FRMD6: variants seen among roughly 807,000 people sequenced by gnomAD.
FRMD6 encodes the protein FERM domain containing 6, also known as FERM domain-containing protein 6.
Under a neutral mutation model 73.2 loss-of-function variants are expected in FRMD6, and 37 were observed. The ratio of observed to expected loss-of-function variants is 0.51; its 90% CI spans 0.39 to 0.66. FRMD6 has a LOEUF of 0.66. Ranked by LOEUF, FRMD6 falls within the 30% of genes least tolerant of loss-of-function variation. FRMD6 has a pLI of 0.00. For synonymous variants in FRMD6, 273 were observed against 282.2 expected, an observed-to-expected ratio of 0.97 and a Z score of 0.33; for missense variants, 714 against 780.5, an observed-to-expected ratio of 0.91 and a Z score of 1.02.
intron 7 of FRMD6, among the ~76,000 whole-genome samples, chr14:51,710,083 CT>C (rs1280087979): frequency 6.6e-6 from 1 of 152,082 alleles, no homozygotes; most frequent in Non-Finnish European, 1.5e-5. Flanking sequence ...AAATAAGAAT[CT>C]TTTGTTGAAG....
intron 1 of FRMD6, among the ~76,000 whole-genome samples, chr14:51,673,111 G>T (rs1894137324): frequency 6.6e-6 from 1 of 152,072 alleles, no homozygotes; most frequent in Admixed American, 6.6e-5. Context: ...GGCCTACTGA[G>T]GTGATATCCT....
the FRMD6 span, among the ~76,000 whole-genome samples, chr14:51,428,248 A>G: frequency 6.6e-6 from 1 of 152,162 alleles, no homozygotes; most frequent in Non-Finnish European, 1.5e-5. Flanking sequence ...GGGAGCCAAT[A>G]CAAACTATCA....
chr14:51,549,868 T>C (rs1383897580), intron 1 of FRMD6, among the ~76,000 whole-genome samples: 1 of 152,228 alleles, frequency 6.6e-6, no homozygotes, highest in Non-Finnish European at 1.5e-5. Context: ...GTGCTGGGAT[T>C]ACAGGCGTGG....
At chr14:51,548,921 T>G (rs1886626619) in intron 1 of FRMD6, among the ~76,000 whole-genome samples, 1 of 152,192 alleles carries the variant, frequency 6.6e-6, no homozygotes, top group African/African-American at 2.4e-5. Flanking sequence ...AATCTGCATT[T>G]TAACCTGGAC....
chr14:51,686,020 G>A (rs1028027058), intron 1 of FRMD6, among the ~76,000 whole-genome samples: 10 of 152,038 alleles, frequency 6.6e-5, no homozygotes, highest in African/African-American at 1.9e-4. Flanking sequence ...GTCATGCTTC[G>A]CTTACAGTAA....
intron 5 of FRMD6, among the ~76,000 whole-genome samples, chr14:51,703,901 C>T (rs1044871467): frequency 6.6e-6 from 1 of 152,060 alleles, no homozygotes; most frequent in African/African-American, 2.4e-5. Context: ...AATATGTACA[C>T]ACACATTTTT....
At chr14:51,713,592 G>A (rs1207215125) in intron 9 of FRMD6, 1 of 152,096 alleles carries the variant, frequency 6.6e-6, no homozygotes, top group Admixed American at 6.6e-5. Context: ...TAAATAAAGG[G>A]CCATTTCTCC....
chr14:51,407,279 C>T, the FRMD6 span, among the ~76,000 whole-genome samples: 1 of 151,716 alleles, frequency 6.6e-6, no homozygotes, highest in Admixed American at 6.6e-5. Context: ...ATGTAATATT[C>T]TTTTTTCATA....
At chr14:51,440,686 AAG>A in the FRMD6 span, among the ~76,000 whole-genome samples, 7 of 151,532 alleles carry the variant, frequency 4.6e-5, no homozygotes, top group Non-Finnish European at 7.4e-5. Context: ...TACTTGCTTA[AAG>A]AGAGAGAGAG....
intron 2 of FRMD6, among the ~76,000 whole-genome samples, chr14:51,609,736 G>A (rs940690351): frequency 2.6e-5 from 4 of 152,162 alleles, no homozygotes; most frequent in Non-Finnish European, 4.4e-5. Context: ...GCTCAAGAGC[G>A]GTTGGTTAGT....
chr14:51,604,810 T>C (rs1449256931), intron 2 of FRMD6, among the ~76,000 whole-genome samples: 1 of 152,142 alleles, frequency 6.6e-6, no homozygotes. Context: ...TTCCAGGCCC[T>C]CTCCACGCCT....
the FRMD6 span, among the ~76,000 whole-genome samples, chr14:51,479,203 C>A: frequency 6.6e-6 from 1 of 152,090 alleles, no homozygotes; most frequent in African/African-American, 2.4e-5. Context: ...TCACATAGGG[C>A]CACTTTTAGA....
chr14:51,600,780 G>A (rs1363625200), intron 2 of FRMD6, among the ~76,000 whole-genome samples: 1 of 152,214 alleles, frequency 6.6e-6, no homozygotes, highest in South Asian at 2.1e-4. Context: ...TAATTAACTA[G>A]GCAATTTGCC....
chr14:51,411,865 C>T, the FRMD6 span, among the ~76,000 whole-genome samples: 2 of 152,050 alleles, frequency 1.3e-5, no homozygotes, highest in Non-Finnish European at 2.9e-5. Flanking sequence ...ATGAGGTTTC[C>T]TTTGTGGCTG....
At chr14:51,618,189 A>G (rs1406460789) in intron 2 of FRMD6, among the ~76,000 whole-genome samples, 5 of 152,124 alleles carry the variant, frequency 3.3e-5, no homozygotes, top group Non-Finnish European at 7.3e-5. Context: ...TGGGTGTAAA[A>G]CTTTTTAGAA....
the FRMD6 span, among the ~76,000 whole-genome samples, chr14:51,442,787 A>T: frequency 6.6e-6 from 1 of 152,214 alleles, no homozygotes; most frequent in African/African-American, 2.4e-5. Flanking sequence ...CCCCTTTAGG[A>T]TAACTATATG....
intron 1 of FRMD6, among the ~76,000 whole-genome samples, chr14:51,681,609 C>T (rs2140306401): frequency 6.6e-6 from 1 of 152,260 alleles, no homozygotes; most frequent in Middle Eastern, 3.4e-3. Flanking sequence ...GCCTATTATG[C>T]TGCCTACTGC....
chr14:51,699,746 A>G (rs1896177883), intron 3 of FRMD6, among the ~76,000 whole-genome samples: 1 of 152,072 alleles, frequency 6.6e-6, no homozygotes, highest in South Asian at 2.1e-4. Flanking sequence ...GTTTAAAAAT[A>G]TATATATGTA....
chr14:51,512,823 C>G (rs2140262842), intron 1 of FRMD6, among the ~76,000 whole-genome samples: 1 of 152,242 alleles, frequency 6.6e-6, no homozygotes, highest in Non-Finnish European at 1.5e-5. Flanking sequence ...AGTGGTGAGG[C>G]AACTGTAGAG....
Sources: gnomAD v4.1 joint callset for allele counts (sites outside exome capture counted in the v4.1 genomes callset) on GRCh38, gnomAD v4.1.1 for gene constraint, MANE v1.5 for transcripts, NCBI Gene and HGNC (gene_info 2026-07-23, HGNC 2026-07-21) for gene names.